Variants in PLCE1 observed in about 807,000 individuals in gnomAD.
The protein encoded by PLCE1 is phospholipase C epsilon 1, also known as 1-phosphatidylinositol 4,5-bisphosphate phosphodiesterase epsilon-1.
Under a neutral mutation model 242.8 loss-of-function variants are expected in PLCE1, and 119 were observed. The observed-to-expected ratio is 0.49, with a 90% CI of 0.42 to 0.57. The LOEUF (loss-of-function observed/expected upper bound fraction) is 0.57, where lower values mean the gene tolerates loss of function less well. Among genes scored for constraint, PLCE1 ranks in the 20% least tolerant of loss-of-function variants. PLCE1 has a pLI of 0.00. For synonymous variants in PLCE1, 945 were observed against 1,017.4 expected, an observed-to-expected ratio of 0.93 and a Z score of 1.35; for missense variants, 2,441 against 2,788.8, an observed-to-expected ratio of 0.88 and a Z score of 2.81.
intron 2 of PLCE1, among the ~76,000 whole-genome samples, chr10:94,038,853 C>A (rs529354199): frequency 2.8e-4 from 43 of 152,124 alleles, no homozygotes; most frequent in Middle Eastern, 6.8e-3. Context: ...AAAAAGCAAC[C>A]CTGTTTCTTT....
At chr10:94,147,305 C>T (rs991626590) in intron 3 of PLCE1, among the ~76,000 whole-genome samples, 6 of 152,040 alleles carry the variant, frequency 3.9e-5, no homozygotes, top group Non-Finnish European at 8.8e-5. Context: ...ACCTGTAATC[C>T]CAGCTACTCG....
At chr10:94,129,123 G>A (rs755326678) in intron 2 of PLCE1, among the ~76,000 whole-genome samples, 12 of 152,182 alleles carry the variant, frequency 7.9e-5, no homozygotes, top group African/African-American at 1.9e-4. Flanking sequence ...CTGAAGGCCC[G>A]AGGTGGAAGG....
intron 2 of PLCE1, among the ~76,000 whole-genome samples, chr10:94,090,760 T>C (rs934414373): frequency 2.0e-5 from 3 of 152,228 alleles, no homozygotes; most frequent in African/African-American, 7.2e-5. Flanking sequence ...TCGTCCTGTT[T>C]TTCTTTTTGG....
intron 4 of PLCE1, 64 bp downstream of exon 4, chr10:94,171,560 TC>T: frequency 7.9e-7 from 1 of 1,273,320 alleles, no homozygotes; most frequent in Non-Finnish European, 1.2e-6. Flanking sequence ...CAAGCATACC[TC>T]CCCTTCTAGG....
chr10:94,042,672 A>G (rs2061791766), intron 2 of PLCE1, among the ~76,000 whole-genome samples: 1 of 152,158 alleles, frequency 6.6e-6, no homozygotes, highest in African/African-American at 2.4e-5. Context: ...CCAATTCTTA[A>G]TGCGAGGGGT....
At chr10:94,040,308 G>C (rs1467016857) in intron 2 of PLCE1, among the ~76,000 whole-genome samples, 1 of 152,072 alleles carries the variant, frequency 6.6e-6, no homozygotes, top group Non-Finnish European at 1.5e-5. Context: ...CCAAACTCCA[G>C]TCTGCATAGC....
intron 1 of PLCE1, among the ~76,000 whole-genome samples, chr10:94,024,071 A>C (rs899641671): frequency 3.9e-5 from 6 of 152,186 alleles, no homozygotes; most frequent in Non-Finnish European, 7.4e-5. Context: ...GACTCATATT[A>C]TGTAGGGTTT....
At chr10:94,098,038 A>G (rs1223374320) in intron 2 of PLCE1, among the ~76,000 whole-genome samples, 1 of 152,170 alleles carries the variant, frequency 6.6e-6, no homozygotes, top group Admixed American at 6.5e-5. Context: ...TTTGGAAGGG[A>G]CTGGAGAATG....
In PLCE1 at chr10:94,158,854, C is replaced by CTTTTTTT. The variant is rs35760715; in HGVS notation, c.1493-12313_1493-12307dup. On this transcript the variant is annotated intron_variant, in intron 3 of 32. Coordinates refer to ENST00000371380, the MANE Select transcript of PLCE1 (RefSeq NM_016341.4). ...TATTTTAAATTTTCTTCTTCTTTTT[C>CTTTTTTT]TTTTTTTTTTTTTTTTTTTGAGACG... Among the ~76,000 whole-genome samples the CTTTTTTT allele has an allele frequency of 6.1e-4, 68 of 111,556 alleles. 3 individuals carry two copies. The highest frequency in any genetic ancestry group is 2.6e-3 in the East Asian group (9 of 3,500). 73.2% of individuals were successfully genotyped at this position (111,556 alleles called of 152,430 possible).
At chr10:94,185,519 C>A (rs2048448162) in intron 4 of PLCE1, among the ~76,000 whole-genome samples, 2 of 152,090 alleles carry the variant, frequency 1.3e-5, no homozygotes, top group Admixed American at 6.6e-5. Context: ...AATGTCTGGG[C>A]ATGAACATGG....
intron 19 of PLCE1, 96 bp from the exon 20 acceptor site, chr10:94,279,686 T>G (rs2052121209): frequency 2.8e-6 from 4 of 1,406,448 alleles, no homozygotes; most frequent in Non-Finnish European, 4.0e-6. Flanking sequence ...TTAAGCCACT[T>G]TTAACGATTG....
At chr10:94,190,147 G>A (rs771276721) in intron 4 of PLCE1, among the ~76,000 whole-genome samples, 3 of 152,180 alleles carry the variant, frequency 2.0e-5, no homozygotes, top group Non-Finnish European at 4.4e-5. Context: ...AGGCGTGGTA[G>A]TGCCCCCCTG....
chr10:94,093,064 G>C (rs988988943), intron 2 of PLCE1, among the ~76,000 whole-genome samples: 1 of 152,172 alleles, frequency 6.6e-6, no homozygotes, highest in Non-Finnish European at 1.5e-5. Flanking sequence ...ACAGGGACAG[G>C]TTGGCCTTCA....
At chr10:94,179,377 G>T (rs1482901695) in intron 4 of PLCE1, among the ~76,000 whole-genome samples, 3 of 152,074 alleles carry the variant, frequency 2.0e-5, no homozygotes, top group Non-Finnish European at 2.9e-5. Context: ...GAAATAAGAG[G>T]GGCATGGAGG....
At position 94,328,590 on chromosome 10, in the gene PLCE1, A is replaced by T. The variant is rs1352446757; in HGVS notation, c.*647A>T. The T allele has an allele frequency of 6.6e-6, 1 of 152,290 alleles. No individual in the cohort carries two copies. The highest frequency in any genetic ancestry group is 1.5e-5 in the Non-Finnish European group (1 of 68,086). The allele number at this position is 152,290 out of a possible 1,614,324, so 9.4% of individuals were successfully genotyped here. A position where few individuals can be genotyped will look rare whatever the true frequency, so the allele number is the denominator to read the frequency against. Reference sequence around the variant, plus strand: ...GAACAAGGAGCACAAAGATCTGAAAACAGGAAAGGAAGTTTAGCCATACAT... The same window carrying T: ...GAACAAGGAGCACAAAGATCTGAAATCAGGAAAGGAAGTTTAGCCATACAT... On this transcript the variant is annotated 3_prime_UTR_variant, in exon 33 of 33. Coordinates refer to ENST00000371380, the MANE Select transcript of PLCE1 (RefSeq NM_016341.4).
chr10:94,315,540 G>A (rs763463273), intron 28 of PLCE1: 10 of 454,710 alleles, frequency 2.2e-5, no homozygotes, highest in African/African-American at 6.0e-5. Flanking sequence ...AGGCCGAGGC[G>A]GGCAGATCAC....
chr10:94,223,519 G>T (rs1469726579), intron 4 of PLCE1, among the ~76,000 whole-genome samples: 3 of 152,202 alleles, frequency 2.0e-5, no homozygotes, highest in Non-Finnish European at 4.4e-5. Flanking sequence ...CACCAATAAG[G>T]TATTTGATGT....
At chr10:94,066,104 G>A (rs970432535) in intron 2 of PLCE1, among the ~76,000 whole-genome samples, 30 of 152,124 alleles carry the variant, frequency 2.0e-4, no homozygotes, top group African/African-American at 6.8e-4. Context: ...AAATCACAAA[G>A]ATCTATGTGG....
intron 24 of PLCE1, 125 bp from the exon 25 acceptor site, chr10:94,304,357 C>T: frequency 1.1e-6 from 1 of 875,610 alleles, no homozygotes; most frequent in Non-Finnish European, 1.9e-6. Flanking sequence ...GGGTGATTAT[C>T]TCTTTTTCAT....
Sources: allele counts gnomAD v4.1 joint callset (sites outside exome capture counted in the v4.1 genomes callset), GRCh38; gene constraint gnomAD v4.1.1; transcripts MANE v1.5; gene names NCBI Gene and HGNC (gene_info 2026-07-23, HGNC 2026-07-21).